The following DMD variants were observed in gnomAD, a reference collection of about 807,000 sequenced individuals.
DMD encodes the protein mutant dystrophin.
In DMD, 63 loss-of-function variants were observed where a neutral mutation model predicts 330.1. That is an observed-to-expected ratio of 0.19 (90% CI 0.16 to 0.24). The LOEUF is 0.24. Among genes scored for constraint, DMD ranks in the 10% least tolerant of loss-of-function variants. DMD has a pLI of 1.00. For synonymous variants in DMD, 1,223 were observed against 959.8 expected, an observed-to-expected ratio of 1.27 and a Z score of -5.07; for missense variants, 3,344 against 2,684.1, an observed-to-expected ratio of 1.25 and a Z score of -5.43.
intron 7 of DMD, among the ~76,000 whole-genome samples, chrX:32,806,186 G>A (rs190435308): frequency 8.9e-6 from 1 of 111,874 alleles, no homozygotes; most frequent in African/African-American, 3.3e-5. Context: ...AGTCAGGAGA[G>A]CAATCTCACG....
intron 29 of DMD, among the ~76,000 whole-genome samples, chrX:32,422,660 T>A (rs2098194975): frequency 8.9e-6 from 1 of 111,984 alleles, no homozygotes; most frequent in Non-Finnish European, 1.9e-5. Context: ...ATGCATTTTA[T>A]GATTTAAAAG....
intron 1 of DMD, among the ~76,000 whole-genome samples, chrX:33,318,409 G>T (rs1603430257): frequency 1.9e-5 from 2 of 107,063 alleles, no homozygotes; most frequent in Admixed American, 2.0e-4. Flanking sequence ...AGTTTTAAAA[G>T]TTTTTTTAAA....
At chrX:33,250,397 G>A (rs1240985484) in intron 1 of DMD, among the ~76,000 whole-genome samples, 1 of 109,772 alleles carries the variant, frequency 9.1e-6, no homozygotes, top group Non-Finnish European at 1.9e-5. Flanking sequence ...TGCTGCCACT[G>A]ATATGACAGG....
rs1226623538 is a variant in DMD at position 32,446,014 on chromosome X, G to A, written c.3786+2442C>T. On this transcript the variant is annotated intron_variant, in intron 27 of 78. Coordinates refer to ENST00000357033, the MANE Select transcript of DMD (RefSeq NM_004006.3). Reference sequence around the variant, plus strand: ...TTAGAAAAGTATCCAAAATTGAGCAGATAGAGATAAGAATATAGAAAATAT... The same window carrying A: ...TTAGAAAAGTATCCAAAATTGAGCAAATAGAGATAAGAATATAGAAAATAT... Among the ~76,000 whole-genome samples the A allele has an allele frequency of 4.5e-5, 5 of 110,276 alleles. No individual in the cohort carries two copies. The Admixed American group carries it at 4.8e-4, about 11-fold the overall frequency.
intron 44 of DMD, among the ~76,000 whole-genome samples, chrX:32,016,351 G>A (rs974170457): frequency 1.8e-5 from 2 of 111,323 alleles, no homozygotes; most frequent in African/African-American, 3.3e-5. Context: ...AGTACCACCC[G>A]AGTGAAGTCT....
chrX:32,357,653 A>G (rs1367630836), intron 37 of DMD, among the ~76,000 whole-genome samples: 2 of 60,965 alleles, frequency 3.3e-5, no homozygotes, highest in African/African-American at 1.5e-4. Context: ...AACAGTGCAT[A>G]CACAGATACA....
At chrX:31,313,805 G>A (rs1306677899) in intron 62 of DMD, among the ~76,000 whole-genome samples, 1 of 89,354 alleles carries the variant, frequency 1.1e-5, no homozygotes, top group African/African-American at 4.5e-5. Context: ...AATCTCAGCT[G>A]TTTCTTCCTT....
At chrX:31,286,825 C>T (rs1466590667) in intron 62 of DMD, among the ~76,000 whole-genome samples, 12 of 112,250 alleles carry the variant, frequency 1.1e-4, no homozygotes, top group Admixed American at 9.4e-4. Context: ...AGTGCAGCGG[C>T]GTGATCTCGG....
intron 7 of DMD, among the ~76,000 whole-genome samples, chrX:32,783,352 A>G (rs1231807837): frequency 1.0e-5 from 1 of 97,715 alleles, no homozygotes; most frequent in Non-Finnish European, 2.0e-5. Context: ...CATATATGGT[A>G]TATATATACA....
chrX:32,817,693 T>A (rs981550842), intron 5 of DMD, among the ~76,000 whole-genome samples: 7 of 112,032 alleles, frequency 6.2e-5, no homozygotes, highest in African/African-American at 2.3e-4. Context: ...TGAATATTTA[T>A]TGTGCATTCT....
At chrX:31,133,988 C>T (rs1054502213) in intron 77 of DMD, 114 bp downstream of exon 77, 1 of 633,698 alleles carries the variant, frequency 1.6e-6, no homozygotes, top group African/African-American at 2.1e-5. Context: ...ACCCAAATTG[C>T]CATTCTGATA....
At chrX:31,550,213 T>C (rs997716925) in intron 55 of DMD, among the ~76,000 whole-genome samples, 19 of 111,979 alleles carry the variant, frequency 1.7e-4, no homozygotes, top group African/African-American at 5.5e-4. Flanking sequence ...ACAATGGAAA[T>C]GTGCCACACT....
At chrX:32,904,343 T>C (rs1388460468) in intron 2 of DMD, among the ~76,000 whole-genome samples, 1 of 111,494 alleles carries the variant, frequency 9.0e-6, no homozygotes, top group Non-Finnish European at 1.9e-5. Context: ...TCTCCTAGGG[T>C]ATTTATTTGG....
rs759692920 is a variant in DMD at position 31,163,294 on chromosome X, TTTTAAAAAGGGCA to T, written c.10553+6136_10553+6148del. Reference sequence around the variant, plus strand: ...TAGTAACTCTCATGAGATCTGATGGTTTTAAAAAGGGCAGTTCTCCTGCACATGCTCTCTTGCC... The same window carrying T: ...TAGTAACTCTCATGAGATCTGATGGTGTTCTCCTGCACATGCTCTCTTGCC... On this transcript the variant is annotated intron_variant, in intron 74 of 78. Coordinates refer to ENST00000357033, the MANE Select transcript of DMD (RefSeq NM_004006.3). Among the ~76,000 whole-genome samples, 5 of 111,250 alleles carry T rather than the reference TTTTAAAAAGGGCA, an allele frequency of 4.5e-5. No individual in the cohort carries two copies. The East Asian group carries it at 1.4e-3, about 31-fold the overall frequency.
rs187373320 is a variant in DMD at position 31,860,660 on chromosome X, A to C, written c.7098+14528T>G. On this transcript the variant is annotated intron_variant, in intron 48 of 78. Coordinates refer to ENST00000357033, the MANE Select transcript of DMD (RefSeq NM_004006.3). Reference sequence around the variant, plus strand: ...CACAAGGAAAAATAAGTGTGGGAATAAAATGTTAAGCTTCCAGATAGTTAT... The same window carrying C: ...CACAAGGAAAAATAAGTGTGGGAATCAAATGTTAAGCTTCCAGATAGTTAT... Among the ~76,000 whole-genome samples the C allele has an allele frequency of 1.8e-4, 20 of 112,357 alleles. 1 individual carries two copies. The East Asian group carries it at 4.7e-3, about 27-fold the overall frequency.
At chrX:31,434,304 A>G (rs1235503252) in intron 60 of DMD, among the ~76,000 whole-genome samples, 1 of 110,442 alleles carries the variant, frequency 9.1e-6, no homozygotes, top group African/African-American at 3.3e-5. Context: ...ATATAGATGA[A>G]TAGAAGAGTC....
chrX:32,321,548 A>T (rs2097615099), intron 41 of DMD, among the ~76,000 whole-genome samples: 2 of 111,229 alleles, frequency 1.8e-5, no homozygotes, highest in Non-Finnish European at 3.8e-5. Context: ...GCTGTACTAC[A>T]TGGTTGAGGA....
chrX:31,713,817 C>T (rs2084822450), intron 52 of DMD, among the ~76,000 whole-genome samples: 1 of 111,868 alleles, frequency 8.9e-6, no homozygotes, highest in Non-Finnish European at 1.9e-5. Flanking sequence ...ACACTGTAAG[C>T]ACATAATCAA....
intron 45 of DMD, among the ~76,000 whole-genome samples, chrX:31,963,105 G>A (rs192775975): frequency 8.9e-6 from 1 of 111,935 alleles, no homozygotes; most frequent in East Asian, 2.8e-4. Context: ...ACAAGGAAGC[G>A]CATAGAGCAA....
Sources: allele counts gnomAD v4.1 joint callset (sites outside exome capture counted in the v4.1 genomes callset), GRCh38; gene constraint gnomAD v4.1.1; transcripts MANE v1.5; gene names NCBI Gene and HGNC (gene_info 2026-07-23, HGNC 2026-07-21).